The following PRDM7 variants were observed in gnomAD, a reference collection of about 807,000 sequenced individuals.
The protein encoded by PRDM7 is histone-lysine N-methyltransferase PRDM7.
A neutral mutation model predicts 64.3 loss-of-function variants in PRDM7; 52 were observed. That is an observed-to-expected ratio of 0.81 (90% CI 0.65 to 1.02). The LOEUF is 1.02. Ranked by LOEUF, PRDM7 falls within the 50% of genes least tolerant of loss-of-function variation. PRDM7 has a pLI of 0.00. For synonymous variants in PRDM7, 192 were observed against 210.1 expected (o/e 0.91, Z 0.74); for missense variants, 574 against 597.1 (o/e 0.96, Z 0.40).
At chr16:90,059,916 C>T (rs1232879342) in intron 10 of PRDM7, among the ~76,000 whole-genome samples, 2 of 152,230 alleles carry the variant, frequency 1.3e-5, no homozygotes, top group African/African-American at 2.4e-5. Context: ...ACACTTCCTG[C>T]AACATCGTCT....
At chr16:90,066,649 A>G (rs2037877913) in intron 5 of PRDM7, among the ~76,000 whole-genome samples, 1 of 151,332 alleles carries the variant, frequency 6.6e-6, no homozygotes, top group Non-Finnish European at 1.5e-5. Flanking sequence ...ATGCTTAAAA[A>G]AGTCTGAAAA....
intron 10 of PRDM7, among the ~76,000 whole-genome samples, chr16:90,059,735 CGATCCCAGGTCTCACACT>C (rs2037739803): frequency 2.0e-5 from 3 of 152,308 alleles, no homozygotes; most frequent in Admixed American, 2.0e-4. Flanking sequence ...GCTCTCACAC[CGATCCCAGGTCTCACACT>C]GATCCCAGGT....
intron 4 of PRDM7, 73 bp from the exon 5 acceptor site, chr16:90,066,983 G>C: frequency 7.7e-7 from 1 of 1,305,858 alleles, no homozygotes; most frequent in South Asian, 1.2e-5. Context: ...TTTTCTTTTT[G>C]ATATGGAGTC....
At chr16:90,059,317 T>A (rs1167277807) in intron 10 of PRDM7, among the ~76,000 whole-genome samples, 1 of 152,198 alleles carries the variant, frequency 6.6e-6, no homozygotes, top group Non-Finnish European at 1.5e-5. Flanking sequence ...CATCAAGTAT[T>A]CATGTCTGAG....
rs1299766359 is a variant in PRDM7 at position 90,058,548 on chromosome 16, T to C, written c.1234-14A>G. ...CTGGCTTTGGTTCTGAAAGAGGAAG[T>C]TTTTGGTCAGGGTAGATGTTTTGTT... On this transcript the variant is annotated splice_polypyrimidine_tract_variant and intron_variant, in intron 10 of 10. Transcript: ENST00000449207. 6.2e-7 allele frequency: 1 copy of C among 1,613,328 alleles called. No homozygotes were observed. Among genetic ancestry groups the C allele is most frequent in the Non-Finnish European group, 8.5e-7 (1 of 1,179,350 alleles).
intron 1 of PRDM7, among the ~76,000 whole-genome samples, chr16:90,076,742 G>A (rs1035558370): frequency 2.3e-4 from 35 of 152,224 alleles, no homozygotes; most frequent in African/African-American, 8.2e-4. Flanking sequence ...GGTTCCTCGG[G>A]ATGAAAGGAT....
chr16:90,057,792 G>A lies in PRDM7; in HGVS notation c.*497C>T, dbSNP rs1293278095. ...GGGTGTGCAAGTGTGTGGTGATCAC[G>A]TTTGTCTTCTTGTGGCTATTGAGAT... On this transcript the variant is annotated 3_prime_UTR_variant, in exon 11 of 11. Transcript: ENST00000449207. 5.1e-6 allele frequency: 7 copies of A among 1,361,640 alleles called. No homozygotes were observed. The highest frequency in any genetic ancestry group is 4.4e-5 in the Admixed American group (2 of 45,784). 84.3% of individuals were successfully genotyped at this position (1,361,640 alleles called of 1,614,324 possible).
rs778619738 is a variant in PRDM7 at position 90,075,025 on chromosome 16, T to G, written c.194-2A>C. 9.3e-6 allele frequency: 15 copies of G among 1,614,052 alleles called. No homozygotes were observed. The highest frequency in any genetic ancestry group is 1.3e-5 in the Non-Finnish European group (15 of 1,179,988). On this transcript the variant is annotated splice_acceptor_variant, in intron 3 of 10. Transcript: ENST00000449207. LOFTEE classifies it high-confidence loss of function. This position sits in a 1 kb window ranked among gnomAD's most constrained non-coding sequence, Gnocchi z 4.3. Reference sequence around the variant, plus strand: ...AAGCTGGTCGAGTGGCTCTGAGACCTGAAAAGAAGCAAAAAATTTTGCTCT... The same window carrying G: ...AAGCTGGTCGAGTGGCTCTGAGACCGGAAAAGAAGCAAAAAATTTTGCTCT...
In PRDM7 at chr16:90,062,099, G is replaced by C; in HGVS notation, c.704C>G (p.Pro235Arg). The C allele has an allele frequency of 6.2e-7, 1 of 1,614,244 alleles. No homozygotes were observed. Among genetic ancestry groups the C allele is most frequent in the Non-Finnish European group, 8.5e-7 (1 of 1,180,038 alleles). Reference sequence around the variant, plus strand: ...GGGCAGACTGAGGGCTGAACGGTTGGGATGCCCCTTGTCCACTGCACTGTC... The same window carrying C: ...GGGCAGACTGAGGGCTGAACGGTTGCGATGCCCCTTGTCCACTGCACTGTC... ...VKDSAVDKGH[P>R]NRSALSLPPG... Residue 235 changes from proline to arginine, a missense_variant, in exon 8 of 11, where the codon CCC becomes CGC. Coordinates refer to ENST00000449207, the MANE Select transcript of PRDM7 (RefSeq NM_001098173.2).
chr16:90,065,667 G>A (rs1299920197), intron 5 of PRDM7, among the ~76,000 whole-genome samples: 1 of 151,158 alleles, frequency 6.6e-6, no homozygotes, highest in African/African-American at 2.5e-5. Flanking sequence ...CCTAGGAGAT[G>A]GAGGCTGCAG....
At position 90,075,263 on chromosome 16, in the gene PRDM7, T is replaced by C; in HGVS notation, c.193+88A>G. 1 of 1,601,804 alleles carries C rather than the reference T, an allele frequency of 6.2e-7. No individual in the cohort carries two copies. On this transcript the variant is annotated intron_variant, in intron 3 of 10. Coordinates refer to ENST00000449207, the MANE Select transcript of PRDM7 (RefSeq NM_001098173.2). This position sits in a 1 kb window ranked among gnomAD's most constrained non-coding sequence, Gnocchi z 4.3. ...CGTGCAAAAGGGAATTGTGGGCAGA[T>C]GCCGCCACCTGATAATTAAAATAAT...
chr16:90,073,663 T>A (rs2037994194), intron 4 of PRDM7, among the ~76,000 whole-genome samples: 1 of 152,168 alleles, frequency 6.6e-6, no homozygotes, highest in African/African-American at 2.4e-5. Context: ...CCTCCCAAAG[T>A]GCTGGGATTA....
chr16:90,057,927 A>C lies in PRDM7; in HGVS notation c.*362T>G. On this transcript the variant is annotated 3_prime_UTR_variant, in exon 11 of 11. Transcript: ENST00000449207. ...GACTTCCGGCTAAAGCCCCGCTCAC[A>C]CTCTCTGCAGACATAAGGCTTCTCC... is the stretch of plus-strand genomic sequence containing the variant. 1 of 1,582,540 alleles carries C rather than the reference A, an allele frequency of 6.3e-7. No homozygotes were observed. The highest frequency in any genetic ancestry group is 8.6e-7 in the Non-Finnish European group (1 of 1,159,478).
intron 4 of PRDM7, among the ~76,000 whole-genome samples, chr16:90,069,285 T>C (rs1336205683): frequency 1.3e-5 from 2 of 151,228 alleles, no homozygotes; most frequent in Admixed American, 1.3e-4. Context: ...AGAAATTGTG[T>C]TGGGAAAACT....
In PRDM7 at chr16:90,063,639, A is replaced by G; in HGVS notation, c.481T>C (p.Ser161Pro). ...AGTTTTAGTCTAGAGTGCTGTCCAG[A>G]GGTACTTGCTTCTCCAGGAGGGGAC... Reference protein sequence around the residue: ...PVSPPGEASTSGQHSRLKLEL... With the variant: ...PVSPPGEASTPGQHSRLKLEL... The change falls in exon 6 of 11, where the codon TCT (serine) becomes CCT (proline). Residue 161 changes from serine (S) to proline (P), a missense_variant. By Grantham distance (74) the Ser-to-Pro change is moderately conservative. Transcript: ENST00000449207. 1 of 1,613,796 alleles carries G rather than the reference A, an allele frequency of 6.2e-7. No homozygotes were observed. Among genetic ancestry groups the G allele is most frequent in the South Asian group, 1.1e-5 (1 of 91,060 alleles).
chr16:90,064,988 G>T (rs1264866609), intron 5 of PRDM7, among the ~76,000 whole-genome samples: 1 of 150,862 alleles, frequency 6.6e-6, no homozygotes, highest in Non-Finnish European at 1.5e-5. Context: ...CAAAGTGCTG[G>T]GATTACAGGT....
Position 90,061,442 on chromosome 16 carries a change from G to A in PRDM7, c.950+10C>T, listed in dbSNP as rs2037775217. 1 of 1,579,460 alleles carries A rather than the reference G, an allele frequency of 6.3e-7. No homozygotes were observed. The highest frequency in any genetic ancestry group is 1.1e-5 in the South Asian group (1 of 90,344). On this transcript the variant is annotated intron_variant, in intron 9 of 10. Coordinates refer to ENST00000449207, the MANE Select transcript of PRDM7 (RefSeq NM_001098173.2). ...GTTCTCTCTGAAACTAAGAGACCTA[G>A]TGGCCTTACCTCATCCAGTTGGCCG... is the stretch of plus-strand genomic sequence containing the variant.
rs2037695803 is a variant in PRDM7 at position 90,056,999 on chromosome 16, T to TA, written c.*1289_*1290insT. 1 of 152,208 alleles carries TA rather than the reference T, an allele frequency of 6.6e-6. No individual in the cohort carries two copies. Among genetic ancestry groups the TA allele is most frequent in the African/African-American group, 2.4e-5 (1 of 41,436 alleles). 9.4% of individuals were successfully genotyped at this position (152,208 alleles called of 1,614,324 possible). A position where few individuals can be genotyped will look rare whatever the true frequency, so the allele number is the denominator to read the frequency against. On this transcript the variant is annotated 3_prime_UTR_variant, in exon 11 of 11. Coordinates refer to ENST00000449207, the MANE Select transcript of PRDM7 (RefSeq NM_001098173.2). Reference sequence around the variant, plus strand: ...ATAAAACAGTATGAGAGGGTCTGTCTCTCTTCTCTCAGAGTATTCAATTTC... The same window carrying TA: ...ATAAAACAGTATGAGAGGGTCTGTCTACTCTTCTCTCAGAGTATTCAATTTC...
chr16:90,068,010 C>T (rs2037903145), intron 4 of PRDM7, among the ~76,000 whole-genome samples: 1 of 151,230 alleles, frequency 6.6e-6, no homozygotes, highest in Admixed American at 6.6e-5. Context: ...TCCTGTAAGT[C>T]GTAGCCTGAG....
Sources: gnomAD v4.1 joint callset for allele counts (sites outside exome capture counted in the v4.1 genomes callset) on GRCh38, gnomAD v4.1.1 for gene constraint, Gnocchi (gnomAD v3.1) non-coding constraint, MANE v1.5 for transcripts, NCBI Gene and HGNC (gene_info 2026-07-23, HGNC 2026-07-21) for gene names.